The following GFM1 variants were observed in gnomAD, a reference collection of about 807,000 sequenced individuals.
GFM1 encodes the protein elongation factor G, mitochondrial.
In GFM1, 62 loss-of-function variants were observed where a neutral mutation model predicts 96.2. The ratio of observed to expected loss-of-function variants is 0.64; its 90% CI spans 0.53 to 0.80. The LOEUF (loss-of-function observed/expected upper bound fraction) is 0.80, where lower values mean the gene tolerates loss of function less well. Among genes scored for constraint, GFM1 ranks in the 30% least tolerant of loss-of-function variants. The pLI is 0.00. For synonymous variants in GFM1, 282 were observed against 312.9 expected (o/e 0.90, Z 1.04); for missense variants, 852 against 916.6 (o/e 0.93, Z 0.91).
chr3:158,677,258 G>C (rs779186506), intron 13 of GFM1, among the ~76,000 whole-genome samples: 13 of 152,128 alleles, frequency 8.5e-5, no homozygotes, highest in Non-Finnish European at 1.9e-4. Context: ...CTCTCTCTCT[G>C]TCAAAGCTTA....
At chr3:158,646,666 T>C in intron 3 of GFM1, 77 bp from the exon 4 acceptor site, 2 of 1,189,832 alleles carry the variant, frequency 1.7e-6, no homozygotes, top group East Asian at 2.5e-5. Flanking sequence ...TGAGCAGAGA[T>C]ACAAAAACTT....
At chr3:158,669,753 A>G (rs976302887) in intron 13 of GFM1, 26 of 743,176 alleles carry the variant, frequency 3.5e-5, no homozygotes, top group Non-Finnish European at 5.7e-5. Context: ...AGAGGTATCT[A>G]ATTGGGCCTG....
chr3:158,662,881 A>G (rs1255191200), intron 11 of GFM1, among the ~76,000 whole-genome samples, 197 bp downstream of exon 11: 5 of 152,178 alleles, frequency 3.3e-5, no homozygotes, highest in Non-Finnish European at 7.4e-5. Flanking sequence ...GAAGAAATGG[A>G]TGGTATTAAA....
intron 9 of GFM1, among the ~76,000 whole-genome samples, chr3:158,659,954 A>C (rs146693076): frequency 2.4e-3 from 371 of 152,306 alleles, no homozygotes; most frequent in African/African-American, 8.7e-3. Flanking sequence ...ACCATTAAAG[A>C]AAGACATGCT....
chr3:158,646,329 C>G (rs751161500), intron 3 of GFM1, 32 bp downstream of exon 3: 2 of 1,612,504 alleles, frequency 1.2e-6, no homozygotes, highest in East Asian at 4.5e-5. Flanking sequence ...ATTGCAGCTT[C>G]TTTGGCAAAA....
intron 12 of GFM1, 76 bp downstream of exon 12, chr3:158,665,550 C>G: frequency 7.6e-7 from 1 of 1,319,304 alleles, no homozygotes; most frequent in Non-Finnish European, 1.1e-6. Context: ...AATTCTCAAT[C>G]TAATGTCTGT....
intron 13 of GFM1, chr3:158,672,787 CA>C (rs1576770128): frequency 3.3e-6 from 1 of 301,398 alleles, no homozygotes; most frequent in African/African-American, 2.1e-5. Flanking sequence ...CAGGCACCAG[CA>C]GGTGGAGGTG....
rs1560143629 is a variant in GFM1 at position 158,682,050 on chromosome 3, A to G, written c.1657A>G (p.Ile553Val). 2 of 1,613,766 alleles carry G rather than the reference A, an allele frequency of 1.2e-6. No individual in the cohort carries two copies. Among genetic ancestry groups the G allele is most frequent in the South Asian group, 2.2e-5 (2 of 91,068 alleles). Residue 553 changes from isoleucine (I) to valine (V), a missense_variant, in exon 14 of 18, where the codon ATA becomes GTA. Ile to Val is a conservative substitution (Grantham distance 29). Transcript: ENST00000486715. Reference protein sequence around the residue: ...SGGAGQYGKVIGVLEPLDPED... With the variant: ...SGGAGQYGKVVGVLEPLDPED... ...TGGTGCAGGCCAGTATGGAAAAGTA[A>G]TAGGTGTCCTGGAGCCTCTGGACCC...
chr3:158,658,588 T>C (rs191750576), intron 8 of GFM1, among the ~76,000 whole-genome samples: 1 of 152,354 alleles, frequency 6.6e-6, no homozygotes, highest in Non-Finnish European at 1.5e-5. Context: ...TTTTTTGTTT[T>C]ATATCTTATT....
chr3:158,650,215 T>C, intron 5 of GFM1: 1 of 689,182 alleles, frequency 1.5e-6, no homozygotes, highest in Non-Finnish European at 2.5e-6. Context: ...TACCTACCAC[T>C]CCTTAGGATA....
chr3:158,665,382 G>A lies in GFM1; in HGVS notation c.1426G>A (p.Glu476Lys). The A allele has an allele frequency of 6.2e-6, 10 of 1,610,588 alleles. No individual in the cohort carries two copies. Among genetic ancestry groups the A allele is most frequent in the Non-Finnish European group, 8.5e-6 (10 of 1,177,244 alleles). ...AAAAGGTATTGGCAGGTTTACAAGA[G>A]AAGATCCCACATTTAAAGTATACTT... Reference protein sequence around the residue: ...FSKGIGRFTREDPTFKVYFDT... With the variant: ...FSKGIGRFTRKDPTFKVYFDT... Residue 476 changes from glutamate (E) to lysine (K), a missense_variant, in exon 12 of 18, where the codon GAA becomes AAA. Glu to Lys is a moderately conservative substitution (Grantham distance 56). Transcript: ENST00000486715.
chr3:158,664,776 G>C (rs766911968), intron 11 of GFM1, among the ~76,000 whole-genome samples: 2 of 152,162 alleles, frequency 1.3e-5, no homozygotes, highest in African/African-American at 4.8e-5. Flanking sequence ...GATTTGGGAG[G>C]ATTAGGGTAT....
intron 13 of GFM1, among the ~76,000 whole-genome samples, chr3:158,679,588 C>T (rs187936700): frequency 2.0e-4 from 30 of 152,302 alleles, no homozygotes; most frequent in Admixed American, 9.2e-4. Context: ...GGTTAGTTCT[C>T]CTCTTAAGGC....
chr3:158,674,879 C>T (rs1724736396), intron 13 of GFM1, among the ~76,000 whole-genome samples: 1 of 152,024 alleles, frequency 6.6e-6, no homozygotes. Flanking sequence ...CCAGGAATAT[C>T]TAGTCCAAAT....
chr3:158,666,929 T>G (rs1723749952), intron 13 of GFM1: 42 of 1,531,450 alleles, frequency 2.7e-5, no homozygotes, highest in Non-Finnish European at 3.7e-5. Flanking sequence ...TGATTTAGAG[T>G]CAAAATTAAT....
chr3:158,660,872 A>G lies in GFM1; in HGVS notation c.1222-2A>G. 2 of 1,611,340 alleles carry G rather than the reference A, an allele frequency of 1.2e-6. No homozygotes were observed. The highest frequency in any genetic ancestry group is 4.5e-5 in the East Asian group (2 of 44,822). On this transcript the variant is annotated splice_acceptor_variant, in intron 9 of 17. Coordinates refer to ENST00000486715, the MANE Select transcript of GFM1 (RefSeq NM_024996.7). LOFTEE classifies it high-confidence loss of function. ...ATAATTTTGTGTTATTTGTTTTTTT[A>G]GGATGTTGAGGAAGTATATGCCGGA...
intron 13 of GFM1, chr3:158,669,636 T>G (rs199921908): frequency 2.6e-4 from 418 of 1,596,812 alleles, no homozygotes; most frequent in Non-Finnish European, 4.8e-5. Flanking sequence ...CAAAATATCC[T>G]TATATACAGA....
chr3:158,683,905 A>G (rs1034517134), intron 14 of GFM1, among the ~76,000 whole-genome samples: 11 of 152,236 alleles, frequency 7.2e-5, no homozygotes, highest in African/African-American at 2.7e-4. Context: ...TAAAACTTAA[A>G]TAGTAAAGTT....
rs752037355 is a variant in GFM1, at chr3:158,645,709, C to CATTG, written c.166_169dup (p.Ser57Ter). ...TACGAAATATTGGAATCTCAGCTCA[C>CATTG]ATTGATTCTGGGAAAACTACATTAA... On this transcript the variant is annotated frameshift_variant, in exon 2 of 18. Transcript: ENST00000486715. LOFTEE classifies it high-confidence loss of function. 2.5e-6 allele frequency: 4 copies of CATTG among 1,611,184 alleles called. No homozygotes were observed. The highest frequency in any genetic ancestry group is 1.1e-5 in the South Asian group (1 of 91,026).
Sources: allele counts gnomAD v4.1 joint callset (sites outside exome capture counted in the v4.1 genomes callset), GRCh38; gene constraint gnomAD v4.1.1; transcripts MANE v1.5; gene names NCBI Gene and HGNC (gene_info 2026-07-23, HGNC 2026-07-21).